AGBL4: variants seen among roughly 807,000 people sequenced by gnomAD.
The protein encoded by AGBL4 is cytosolic carboxypeptidase 6.
In AGBL4, 58 loss-of-function variants were observed where a neutral mutation model predicts 66.4. That is an observed-to-expected ratio of 0.87 (90% CI 0.71 to 1.09). AGBL4 has a LOEUF of 1.09. Ranked by LOEUF, AGBL4 falls within the 50% of genes least tolerant of loss-of-function variation. The pLI, the probability that AGBL4 is intolerant of heterozygous loss-of-function variation, is 0.00. For synonymous variants in AGBL4, 234 were observed against 222.9 expected, an observed-to-expected ratio of 1.05 and a Z score of -0.44; for missense variants, 579 against 631.0, an observed-to-expected ratio of 0.92 and a Z score of 0.88.
At chr1:49,782,207 CA>C (rs562849854) in intron 2 of AGBL4, among the ~76,000 whole-genome samples, 5 of 151,676 alleles carry the variant, frequency 3.3e-5, no homozygotes, top group African/African-American at 1.2e-4. Context: ...CAACAAAAAC[CA>C]AAAACTTTAG....
intron 4 of AGBL4, among the ~76,000 whole-genome samples, chr1:49,180,567 A>G (rs920748805): frequency 6.6e-6 from 1 of 152,180 alleles, no homozygotes; most frequent in African/African-American, 2.4e-5. Flanking sequence ...TGCTAACTTT[A>G]CTGAATTATT....
chr1:49,462,944 G>A (rs1646547523), intron 3 of AGBL4, among the ~76,000 whole-genome samples: 1 of 151,668 alleles, frequency 6.6e-6, no homozygotes, highest in African/African-American at 2.4e-5. Context: ...AGACTAGGGA[G>A]ATCATTTATT....
chr1:48,778,934 C>T (rs1017183932), intron 6 of AGBL4, among the ~76,000 whole-genome samples: 1 of 152,152 alleles, frequency 6.6e-6, no homozygotes, highest in Non-Finnish European at 1.5e-5. Flanking sequence ...ACCACTTGTC[C>T]TGATGCAGCT....
chr1:49,765,575 T>C (rs781763924), intron 2 of AGBL4, among the ~76,000 whole-genome samples: 11 of 152,038 alleles, frequency 7.2e-5, no homozygotes, highest in Non-Finnish European at 1.5e-4. Flanking sequence ...AAGATGACAC[T>C]AGCTCTCCAG....
intron 4 of AGBL4, among the ~76,000 whole-genome samples, chr1:49,168,721 C>G (rs1229473677): frequency 6.6e-6 from 1 of 152,228 alleles, no homozygotes; most frequent in Non-Finnish European, 1.5e-5. Context: ...GGTACAATAA[C>G]TATGGTACCT....
At chr1:49,546,212 C>A (rs1332685608) in intron 3 of AGBL4, among the ~76,000 whole-genome samples, 1 of 152,026 alleles carries the variant, frequency 6.6e-6, no homozygotes, top group Non-Finnish European at 1.5e-5. Flanking sequence ...GCTGTTAATT[C>A]ATCCCTTTTT....
chr1:49,275,901 T>C (rs1644158180), intron 3 of AGBL4, among the ~76,000 whole-genome samples: 1 of 152,138 alleles, frequency 6.6e-6, no homozygotes, highest in Non-Finnish European at 1.5e-5. Flanking sequence ...TACCAGTCAT[T>C]ATACCTGCTG....
intron 3 of AGBL4, among the ~76,000 whole-genome samples, chr1:49,303,555 C>A (rs544017110): frequency 1.3e-5 from 2 of 152,020 alleles, no homozygotes; most frequent in East Asian, 1.9e-4. Flanking sequence ...CAGGTTCAAG[C>A]AATTCTCCTG....
At chr1:49,834,811 G>A (rs559328918) in intron 2 of AGBL4, among the ~76,000 whole-genome samples, 27 of 152,072 alleles carry the variant, frequency 1.8e-4, no homozygotes, top group African/African-American at 6.5e-4. Context: ...ATTTATTTCT[G>A]CCTTAATTTC....
intron 3 of AGBL4, among the ~76,000 whole-genome samples, chr1:49,506,945 C>T (rs886216478): frequency 6.6e-6 from 1 of 151,940 alleles, no homozygotes; most frequent in East Asian, 1.9e-4. Flanking sequence ...TCCCCATATT[C>T]ACACCCTTAT....
intron 4 of AGBL4, chr1:49,048,204 T>C (rs1440707853): frequency 6.6e-6 from 1 of 152,134 alleles, no homozygotes; most frequent in Non-Finnish European, 1.5e-5. Context: ...CCTACAGTCA[T>C]AAGGTCTCAG....
chr1:49,366,495 G>T (rs1279490626), intron 3 of AGBL4, among the ~76,000 whole-genome samples: 1 of 152,104 alleles, frequency 6.6e-6, no homozygotes, highest in African/African-American at 2.4e-5. Flanking sequence ...AAAATCTTAG[G>T]GGTGTAGGAG....
chr1:49,390,613 TCTTAA>T (rs1374806363), intron 3 of AGBL4, among the ~76,000 whole-genome samples: 1 of 152,232 alleles, frequency 6.6e-6, no homozygotes, highest in Non-Finnish European at 1.5e-5. Flanking sequence ...TACAAAAGTT[TCTTAA>T]CTTGTCTAAG....
chr1:49,412,847 G>A (rs997223359), intron 3 of AGBL4, among the ~76,000 whole-genome samples: 1 of 152,140 alleles, frequency 6.6e-6, no homozygotes, highest in Non-Finnish European at 1.5e-5. Flanking sequence ...AGACTAAGAG[G>A]AAGAATGGGA....
At chr1:48,920,737 G>T (rs1004023106) in intron 5 of AGBL4, among the ~76,000 whole-genome samples, 1 of 152,180 alleles carries the variant, frequency 6.6e-6, no homozygotes, top group African/African-American at 2.4e-5. Flanking sequence ...GCTTCCGCAT[G>T]TTGGAAACTA....
At chr1:49,359,250 A>G (rs1052669708) in intron 3 of AGBL4, among the ~76,000 whole-genome samples, 2 of 149,784 alleles carry the variant, frequency 1.3e-5, no homozygotes, top group African/African-American at 2.4e-5. Flanking sequence ...GAAAGCAAAG[A>G]AAACTGCATT....
chr1:48,991,274 G>A (rs1451479011), intron 5 of AGBL4, among the ~76,000 whole-genome samples: 1 of 151,886 alleles, frequency 6.6e-6, no homozygotes, highest in African/African-American at 2.4e-5. Context: ...TTTTTTGTGT[G>A]TTTTTCCTTC....
At chr1:48,939,755 T>G (rs1047493445) in intron 5 of AGBL4, among the ~76,000 whole-genome samples, 6 of 152,238 alleles carry the variant, frequency 3.9e-5, no homozygotes, top group African/African-American at 1.4e-4. Context: ...TTTGCTCTCC[T>G]TCTTCAAAGA....
chr1:48,862,935 T>C lies in AGBL4; in HGVS notation c.634+4256A>G, dbSNP rs1647628272. Among the ~76,000 whole-genome samples the C allele has an allele frequency of 1.3e-5, 2 of 152,144 alleles. 1 individual carries two copies. The highest frequency in any genetic ancestry group is 2.9e-5 in the Non-Finnish European group (2 of 68,020). ...TATATACAGATTAAGAGGGTTACCA[T>C]GGACTCTCACTAAAATAGCTATTAA... On this transcript the variant is annotated intron_variant, in intron 6 of 13. Transcript: ENST00000371839.
Sources: allele counts gnomAD v4.1 joint callset (sites outside exome capture counted in the v4.1 genomes callset), GRCh38; gene constraint gnomAD v4.1.1; transcripts MANE v1.5; gene names NCBI Gene and HGNC (gene_info 2026-07-23, HGNC 2026-07-21).